The following ALG14 variants were observed in gnomAD, a reference collection of about 807,000 sequenced individuals.
The protein encoded by ALG14 is ALG14 UDP-N-acetylglucosaminyltransferase subunit.
ALG14 carries 17 observed loss-of-function variants against 22.8 expected under a neutral mutation model. The observed-to-expected ratio is 0.75, with a 90% CI of 0.51 to 1.12. The LOEUF is 1.12. Among genes scored for constraint, ALG14 ranks in the 50% most tolerant of loss-of-function variants. ALG14 has a pLI of 0.00. For missense variants in ALG14, 288 were observed against 271.8 expected, an observed-to-expected ratio of 1.06 and a Z score of -0.42; for synonymous variants, 89 against 103.7, an observed-to-expected ratio of 0.86 and a Z score of 0.86.
At chr1:95,031,820 A>T (rs958008564) in intron 2 of ALG14, among the ~76,000 whole-genome samples, 5 of 151,876 alleles carry the variant, frequency 3.3e-5, no homozygotes, top group African/African-American at 9.7e-5. Context: ...CCAGGAACTT[A>T]CTTTTTAGAC....
At chr1:95,012,248 T>C (rs1673386757) in intron 3 of ALG14, among the ~76,000 whole-genome samples, 1 of 152,254 alleles carries the variant, frequency 6.6e-6, no homozygotes, top group Non-Finnish European at 1.5e-5. Flanking sequence ...AATGGACTAA[T>C]ACAAAAGTAA....
intron 2 of ALG14, among the ~76,000 whole-genome samples, chr1:95,061,274 G>A (rs982956393): frequency 5.3e-5 from 8 of 152,116 alleles, no homozygotes; most frequent in African/African-American, 1.7e-4. Context: ...AACTAATACA[G>A]TATTGATTCC....
At chr1:95,040,265 A>G (rs1674338922) in intron 2 of ALG14, among the ~76,000 whole-genome samples, 1 of 152,152 alleles carries the variant, frequency 6.6e-6, no homozygotes, top group South Asian at 2.1e-4. Context: ...TAAGGCCCAG[A>G]GGGGTTGATT....
intron 3 of ALG14, among the ~76,000 whole-genome samples, chr1:95,019,416 A>G (rs1033735959): frequency 7.2e-5 from 11 of 152,290 alleles, no homozygotes; most frequent in Non-Finnish European, 1.5e-4. Context: ...TCCTCACCCA[A>G]TAATGCTAAC....
At chr1:95,027,603 A>C (rs1270394416) in intron 2 of ALG14, among the ~76,000 whole-genome samples, 1 of 152,278 alleles carries the variant, frequency 6.6e-6, no homozygotes, top group Non-Finnish European at 1.5e-5. Context: ...CCTAGTATCA[A>C]GATGGGCAAA....
At chr1:95,029,061 T>C (rs566222551) in intron 2 of ALG14, among the ~76,000 whole-genome samples, 496 of 152,326 alleles carry the variant, frequency 3.3e-3, no homozygotes, top group Non-Finnish European at 5.8e-3. Flanking sequence ...GTATATTCTG[T>C]TTTTCACAGT....
intron 2 of ALG14, among the ~76,000 whole-genome samples, chr1:95,049,330 C>T (rs1015501613): frequency 6.6e-6 from 1 of 152,140 alleles, no homozygotes; most frequent in East Asian, 1.9e-4. Flanking sequence ...TTCAGGAGTT[C>T]GCGACCAGTC....
In ALG14 at chr1:94,992,944, A is replaced by G. The variant is rs528998623; in HGVS notation, c.421-9638T>C. ...ATTATCCATCAAAGAATAAAGTAGT[A>G]TACTTGTGGCATTTTTCAAACTTTA... On this transcript the variant is annotated intron_variant, in intron 3 of 3. Coordinates refer to ENST00000370205, the MANE Select transcript of ALG14 (RefSeq NM_144988.4). 1.8e-4 allele frequency among the ~76,000 whole-genome samples: 28 copies of G among 152,026 alleles called. No individual in the cohort carries two copies. The South Asian group carries it at 4.6e-3, about 25-fold the overall frequency.
At chr1:95,048,026 G>A (rs1417326372) in intron 2 of ALG14, among the ~76,000 whole-genome samples, 1 of 152,108 alleles carries the variant, frequency 6.6e-6, no homozygotes, top group Non-Finnish European at 1.5e-5. Flanking sequence ...ACAGAAAAGA[G>A]CAAAGCAACA....
chr1:95,011,536 C>T (rs1450789168), intron 3 of ALG14, among the ~76,000 whole-genome samples: 1 of 151,964 alleles, frequency 6.6e-6, no homozygotes, highest in African/African-American at 2.4e-5. Flanking sequence ...CGCCATTCTC[C>T]TGCCTCAGCC....
chr1:95,041,105 G>T (rs1674362755), intron 2 of ALG14, among the ~76,000 whole-genome samples: 1 of 152,078 alleles, frequency 6.6e-6, no homozygotes, highest in Admixed American at 6.5e-5. Flanking sequence ...TCACTGAAAT[G>T]GCCACATCAG....
chr1:95,064,672 A>G (rs1369586520), intron 2 of ALG14, among the ~76,000 whole-genome samples, 194 bp downstream of exon 2: 1 of 152,190 alleles, frequency 6.6e-6, no homozygotes, highest in African/African-American at 2.4e-5. Flanking sequence ...GTGCTAAGCA[A>G]CCATTTTTTA....
Position 94,979,265 on chromosome 1 carries a change from C to T in ALG14, c.*3811G>A, listed in dbSNP as rs1672451543. On this transcript the variant is annotated 3_prime_UTR_variant, in exon 4 of 4. Coordinates refer to ENST00000370205, the MANE Select transcript of ALG14 (RefSeq NM_144988.4). ...TGAGATTGCACCACTGCACTCCAGC[C>T]TGGGCGATGGAGCGAGACTGTCTCG... is the stretch of plus-strand genomic sequence containing the variant. 1 of 123,788 alleles carries T rather than the reference C, an allele frequency of 8.1e-6. No homozygotes were observed. The highest frequency in any genetic ancestry group is 3.2e-5 in the African/African-American group (1 of 31,410). The allele number at this position is 123,788 out of a possible 1,614,324, so 7.7% of individuals were successfully genotyped here. A position where few individuals can be genotyped will look rare whatever the true frequency, so the allele number is the denominator to read the frequency against.
At chr1:95,035,458 C>T (rs1046779675) in intron 2 of ALG14, among the ~76,000 whole-genome samples, 1 of 152,280 alleles carries the variant, frequency 6.6e-6, no homozygotes, top group East Asian at 1.9e-4. Flanking sequence ...ACAAGGCCTC[C>T]CAACGCTCCC....
chr1:95,071,816 A>G (rs1675575887), intron 1 of ALG14, among the ~76,000 whole-genome samples: 1 of 152,224 alleles, frequency 6.6e-6, no homozygotes, highest in Admixed American at 6.5e-5. Context: ...AGACTGCCAT[A>G]GCAATTTGTA....
At chr1:94,984,936 CTTTT>C (rs564359879) in intron 3 of ALG14, among the ~76,000 whole-genome samples, 1 of 151,092 alleles carries the variant, frequency 6.6e-6, no homozygotes, top group Non-Finnish European at 1.5e-5. Flanking sequence ...GACAAGTTCT[CTTTT>C]TTTTCTTTTT....
chr1:95,066,034 A>C (rs1675349259), intron 1 of ALG14, among the ~76,000 whole-genome samples: 1 of 152,124 alleles, frequency 6.6e-6, no homozygotes, highest in South Asian at 2.1e-4. Flanking sequence ...AGTCAGGTTG[A>C]TGTCTTCAAC....
chr1:95,016,989 G>GTGTGTGTA, intron 3 of ALG14, among the ~76,000 whole-genome samples: 1 of 141,196 alleles, frequency 7.1e-6, no homozygotes, highest in African/African-American at 2.7e-5. Context: ...GTGTGTGTGT[G>GTGTGTGTA]TGTGTGTAGT....
intron 2 of ALG14, among the ~76,000 whole-genome samples, chr1:95,032,774 T>C (rs1198685328): frequency 1.3e-5 from 2 of 152,154 alleles, no homozygotes; most frequent in East Asian, 3.9e-4. Context: ...GCCCTCAGAT[T>C]ACCTATACTT....
Sources: allele counts gnomAD v4.1 joint callset (sites outside exome capture counted in the v4.1 genomes callset), GRCh38; gene constraint gnomAD v4.1.1; transcripts MANE v1.5; gene names NCBI Gene and HGNC (gene_info 2026-07-23, HGNC 2026-07-21).